The following SMPD3 variants were observed in gnomAD, a reference collection of about 807,000 sequenced individuals.
SMPD3 encodes the protein sphingomyelin phosphodiesterase 3.
In SMPD3, 21 loss-of-function variants were observed where a neutral mutation model predicts 55.7. The observed-to-expected ratio is 0.38, with a 90% CI of 0.27 to 0.54. SMPD3 has a LOEUF of 0.54. Ranked by LOEUF, SMPD3 falls within the 20% of genes least tolerant of loss-of-function variation. The pLI is 0.80. For synonymous variants in SMPD3, 457 were observed against 404.3 expected (o/e 1.13, Z -1.56); for missense variants, 842 against 899.6 (o/e 0.94, Z 0.82).
intron 1 of SMPD3, among the ~76,000 whole-genome samples, chr16:68,410,181 G>A (rs2090288036): frequency 2.0e-5 from 3 of 152,162 alleles, no homozygotes; most frequent in African/African-American, 7.2e-5. Context: ...GCCAGTACCC[G>A]GCACACACGA....
chr16:68,431,639 C>T (rs377315198), intron 1 of SMPD3, among the ~76,000 whole-genome samples: 5 of 152,298 alleles, frequency 3.3e-5, no homozygotes, highest in East Asian at 3.9e-4. Flanking sequence ...AACAGGATTT[C>T]GGCCGGGTGT....
chr16:68,415,094 A>G (rs1042709638), intron 1 of SMPD3, among the ~76,000 whole-genome samples: 2 of 152,184 alleles, frequency 1.3e-5, no homozygotes, highest in Non-Finnish European at 2.9e-5. Context: ...CCATGAGAAC[A>G]TGGGCCATAA....
At chr16:68,421,468 G>A (rs1269625089) in intron 1 of SMPD3, among the ~76,000 whole-genome samples, 1 of 152,214 alleles carries the variant, frequency 6.6e-6, no homozygotes, top group Non-Finnish European at 1.5e-5. Flanking sequence ...GGGATGAAGA[G>A]ACCAGAGGCA....
chr16:68,371,867 C>G lies in SMPD3; in HGVS notation c.315G>C (p.Leu105=). ...CACTGAGCAGGGCTGCCCCACCGGC[C>G]AGGCCCTTGTCTTCCAGCCGTGAAT... ...YIYSRLEDKG[L]AGGAALLSEW... The change falls in exon 3 of 9, where the codon CTG becomes CTC. Residue 105 remains leucine, a synonymous_variant. Transcript: ENST00000219334. The G allele has an allele frequency of 6.2e-7, 1 of 1,607,444 alleles. No homozygotes were observed. Among genetic ancestry groups the G allele is most frequent in the South Asian group, 1.1e-5 (1 of 89,702 alleles).
At chr16:68,428,554 T>A (rs1233498168) in intron 1 of SMPD3, among the ~76,000 whole-genome samples, 1 of 152,190 alleles carries the variant, frequency 6.6e-6, no homozygotes, top group African/African-American at 2.4e-5. Flanking sequence ...CATACTGTCT[T>A]GAGTCTGGAC....
Position 68,359,859 on chromosome 16 carries a change from GGGGGCTGTAGGCATCTT to G in SMPD3, c.*1330_*1346del, listed in dbSNP as rs1417705123. 11 of 152,264 alleles carry G rather than the reference GGGGGCTGTAGGCATCTT, an allele frequency of 7.2e-5. No individual in the cohort carries two copies. Among genetic ancestry groups the G allele is most frequent in the Non-Finnish European group, 1.2e-4 (8 of 68,236 alleles). The allele number at this position is 152,264 out of a possible 1,614,324, so 9.4% of individuals were successfully genotyped here. A position where few individuals can be genotyped will look rare whatever the true frequency, so the allele number is the denominator to read the frequency against. On this transcript the variant is annotated 3_prime_UTR_variant, in exon 9 of 9. Coordinates refer to ENST00000219334, the MANE Select transcript of SMPD3 (RefSeq NM_018667.4). ...AGAGGCAGTGCTGCCGAAGGGGCCT[GGGGGCTGTAGGCATCTT>G]GGGGCTGGAGGCAGATCGGGGACCA...
chr16:68,439,101 T>G (rs575021688), intron 1 of SMPD3, among the ~76,000 whole-genome samples: 2 of 152,332 alleles, frequency 1.3e-5, no homozygotes, highest in Admixed American at 6.5e-5. Flanking sequence ...GCCATGTAAT[T>G]GCCATGGCGG....
rs373349989 is a variant in SMPD3, at chr16:68,361,224, C to T, written c.1950G>A (p.Ser650=). Residue 650 remains serine (S), a synonymous_variant, in exon 9 of 9, where the codon TCG becomes TCA. Coordinates refer to ENST00000219334, the MANE Select transcript of SMPD3 (RefSeq NM_018667.4). ...LPVAMRLMVS[S]GEEEA ...GGACGGTCTATGCCTCCTCCTCCCC[C>T]GAAGACACCATCAGTCGCATGGCTA... The T allele has an allele frequency of 4.5e-5, 72 of 1,613,814 alleles. No homozygotes were observed. The South Asian group carries it at 6.3e-4, about 14-fold the overall frequency.
At chr16:68,382,430 G>T (rs1164322822) in intron 2 of SMPD3, among the ~76,000 whole-genome samples, 1 of 152,258 alleles carries the variant, frequency 6.6e-6, no homozygotes, top group Non-Finnish European at 1.5e-5. Flanking sequence ...CACTGGGCGA[G>T]TCAGATGCAG....
In SMPD3 at chr16:68,447,626, T is replaced by G. The variant is rs1287389202; in HGVS notation, c.-269+727A>C. ...GGGATTCCGAGTGTCAGTGCTTTCC[T>G]CCACCCGCGACTCCGAGAAGGATGG... is the stretch of plus-strand genomic sequence containing the variant. On this transcript the variant is annotated intron_variant, in intron 1 of 8. Coordinates refer to ENST00000219334, the MANE Select transcript of SMPD3 (RefSeq NM_018667.4). This position sits in a 1 kb window ranked among gnomAD's most constrained non-coding sequence, Gnocchi z 5.1. 6.6e-6 allele frequency among the ~76,000 whole-genome samples: 1 copy of G among 151,910 alleles called. No homozygotes were observed. The highest frequency in any genetic ancestry group is 6.5e-5 in the Admixed American group (1 of 15,276).
intron 2 of SMPD3, among the ~76,000 whole-genome samples, chr16:68,385,209 C>T (rs745999803): frequency 1.3e-5 from 2 of 152,206 alleles, no homozygotes; most frequent in African/African-American, 2.4e-5. Context: ...ATGGCAGTCC[C>T]TGAGAGGTGC....
intron 8 of SMPD3, 52 bp from the exon 9 acceptor site, chr16:68,361,359 C>G (rs2089253536): frequency 1.3e-6 from 2 of 1,557,844 alleles, no homozygotes; most frequent in South Asian, 2.3e-5. Flanking sequence ...CCAAGGGCAT[C>G]TTGCAGGGAG....
chr16:68,370,479 G>A (rs950547995), intron 3 of SMPD3, among the ~76,000 whole-genome samples: 1 of 151,982 alleles, frequency 6.6e-6, no homozygotes, highest in African/African-American at 2.4e-5. Flanking sequence ...CTTTATCACT[G>A]CCACCATCTC....
intron 1 of SMPD3, among the ~76,000 whole-genome samples, chr16:68,396,397 T>A (rs896463952): frequency 1.3e-5 from 2 of 152,208 alleles, no homozygotes; most frequent in African/African-American, 4.8e-5. Flanking sequence ...TTTGATGTGA[T>A]GGCCCCGACC....
Position 68,370,990 on chromosome 16 carries a change from A to C in SMPD3, c.1192T>G (p.Cys398Gly), listed in dbSNP as rs759242089. ...CCGCTGTTGAGACACTTGAAGCTGC[A>C]GCAGCCCTGGCAGCCGTAGACCCCG... is the stretch of plus-strand genomic sequence containing the variant. ...DVGVYGCQGC[C>G]SFKCLNSGLL... is the part of the protein sequence containing the mutation. Residue 398 changes from cysteine to glycine, a missense_variant, in exon 3 of 9, where the codon TGC (cysteine) becomes GGC (glycine). By Grantham distance (159) the Cys-to-Gly change is radical. This residue lies in a region of SMPD3 where 649 missense variants were observed against 643.6 expected (regional missense o/e 1.01). Coordinates refer to ENST00000219334, the MANE Select transcript of SMPD3 (RefSeq NM_018667.4). The C allele has an allele frequency of 6.2e-7, 1 of 1,614,070 alleles. No individual in the cohort carries two copies. Among genetic ancestry groups the C allele is most frequent in the Non-Finnish European group, 8.5e-7 (1 of 1,180,022 alleles).
intron 1 of SMPD3, among the ~76,000 whole-genome samples, chr16:68,448,036 A>C (rs1415935869): frequency 6.6e-6 from 1 of 152,106 alleles, no homozygotes; most frequent in Non-Finnish European, 1.5e-5. Context: ...CGTCCTGAGT[A>C]ATCCGAGCAG....
chr16:68,361,104 C>T lies in SMPD3; in HGVS notation c.*102G>A. ...ACTGACTGTGGCTCCCTCCCTGTCC[C>T]TGCCCTCCTCCCCCAAGCACCGGGC... On this transcript the variant is annotated 3_prime_UTR_variant, in exon 9 of 9. Coordinates refer to ENST00000219334, the MANE Select transcript of SMPD3 (RefSeq NM_018667.4). 2 of 1,083,376 alleles carry T rather than the reference C, an allele frequency of 1.8e-6. No homozygotes were observed. The highest frequency in any genetic ancestry group is 3.0e-5 in the South Asian group (2 of 66,218). 67.1% of individuals were successfully genotyped at this position (1,083,376 alleles called of 1,614,324 possible).
chr16:68,435,542 G>A (rs1184041216), intron 1 of SMPD3, among the ~76,000 whole-genome samples: 3 of 151,482 alleles, frequency 2.0e-5, no homozygotes, highest in African/African-American at 7.3e-5. Context: ...AGAGGTGCCA[G>A]TTCTGCCGAG....
At chr16:68,418,249 G>T (rs963250033) in intron 1 of SMPD3, among the ~76,000 whole-genome samples, 14 of 151,172 alleles carry the variant, frequency 9.3e-5, no homozygotes, top group South Asian at 2.1e-4. Flanking sequence ...CCGTGTAGAT[G>T]CCCACCGAGT....
Sources: allele counts gnomAD v4.1 joint callset (sites outside exome capture counted in the v4.1 genomes callset), GRCh38; gene constraint gnomAD v4.1.1; regional missense constraint gnomAD v4.1.1; non-coding constraint Gnocchi (gnomAD v3.1); transcripts MANE v1.5; gene names NCBI Gene and HGNC (gene_info 2026-07-23, HGNC 2026-07-21).